SPOCK1: variants seen among roughly 807,000 people sequenced by gnomAD.
SPOCK1 encodes testican-1.
SPOCK1 carries 23 observed loss-of-function variants against 55.3 expected under a neutral mutation model. The ratio of observed to expected loss-of-function variants is 0.42; its 90% CI spans 0.30 to 0.59. The LOEUF (loss-of-function observed/expected upper bound fraction) is 0.59, where lower values mean the gene tolerates loss of function less well. Ranked by LOEUF, SPOCK1 falls within the 20% of genes least tolerant of loss-of-function variation. SPOCK1 has a pLI of 0.22. For missense variants in SPOCK1, 499 were observed against 552.5 expected (o/e 0.90, Z 0.97); for synonymous variants, 226 against 221.0 (o/e 1.02, Z -0.20).
intron 3 of SPOCK1, among the ~76,000 whole-genome samples, chr5:137,202,416 G>A (rs912638400): frequency 6.6e-6 from 1 of 152,194 alleles, no homozygotes; most frequent in African/African-American, 2.4e-5. Flanking sequence ...TGACAAACCA[G>A]AAAAGCCAGA....
chr5:137,284,567 C>T (rs1283657595), intron 2 of SPOCK1, among the ~76,000 whole-genome samples: 1 of 152,184 alleles, frequency 6.6e-6, no homozygotes, highest in African/African-American at 2.4e-5. Flanking sequence ...CTGGGCCTGG[C>T]TCTGCACTAG....
chr5:137,311,182 C>T (rs1481378135), intron 2 of SPOCK1, among the ~76,000 whole-genome samples: 2 of 152,166 alleles, frequency 1.3e-5, no homozygotes, highest in African/African-American at 4.8e-5. Flanking sequence ...CATCTCTTTT[C>T]CCCATTGGCT....
At chr5:137,498,136 G>A (rs1309326508) in intron 2 of SPOCK1, among the ~76,000 whole-genome samples, 1 of 152,072 alleles carries the variant, frequency 6.6e-6, no homozygotes, top group Admixed American at 6.5e-5. Context: ...ACACACACCT[G>A]GGCCACAGGT....
intron 8 of SPOCK1, 129 bp from the exon 9 acceptor site, chr5:136,985,331 C>CTATGCAAGAAAACAAATTCGGGCCA: frequency 1.1e-6 from 1 of 910,898 alleles, no homozygotes; most frequent in Non-Finnish European, 1.8e-6. Context: ...TATGCTGTTA[C>CTATGCAAGAAAACAAATTCGGGCCA]TATGCAAGAA....
chr5:137,479,201 C>T (rs1753898616), intron 2 of SPOCK1, among the ~76,000 whole-genome samples: 1 of 151,966 alleles, frequency 6.6e-6, no homozygotes, highest in Non-Finnish European at 1.5e-5. Context: ...GTTTATCTGT[C>T]CCGTGACTAA....
intron 2 of SPOCK1, among the ~76,000 whole-genome samples, chr5:137,306,787 T>G (rs1757708040): frequency 6.6e-6 from 1 of 152,200 alleles, no homozygotes; most frequent in Non-Finnish European, 1.5e-5. Context: ...ATTTATTTTC[T>G]CAGCCTAAAC....
At chr5:137,416,267 ATTC>A (rs2149823714) in intron 2 of SPOCK1, among the ~76,000 whole-genome samples, 1 of 151,966 alleles carries the variant, frequency 6.6e-6, no homozygotes, top group Non-Finnish European at 1.5e-5. Context: ...ACCTTACAGA[ATTC>A]ATCACCAGCA....
chr5:137,384,139 A>G (rs1206648649), intron 2 of SPOCK1, among the ~76,000 whole-genome samples: 2 of 152,218 alleles, frequency 1.3e-5, no homozygotes, highest in African/African-American at 4.8e-5. Context: ...GCATGGACAT[A>G]TGACCCAGCA....
chr5:137,494,349 C>A (rs1032727645), intron 2 of SPOCK1, among the ~76,000 whole-genome samples: 2 of 152,270 alleles, frequency 1.3e-5, no homozygotes, highest in African/African-American at 2.4e-5. Flanking sequence ...GCTTGCACCC[C>A]AAATCCACTC....
intron 4 of SPOCK1, 139 bp downstream of exon 4, chr5:137,140,441 G>T: frequency 1.7e-6 from 1 of 599,970 alleles, no homozygotes; most frequent in Non-Finnish European, 2.9e-6. Context: ...TCAGAGTACA[G>T]GCACCAAACA....
chr5:137,332,870 G>C (rs1416932563), intron 2 of SPOCK1, among the ~76,000 whole-genome samples: 1 of 152,214 alleles, frequency 6.6e-6, no homozygotes, highest in East Asian at 1.9e-4. Context: ...AGTGCAAAGT[G>C]AGTATCACAA....
rs114899944 is a variant in SPOCK1 at position 137,293,072 on chromosome 5, T to C, written c.187-26017A>G. On this transcript the variant is annotated intron_variant, in intron 2 of 10. Coordinates refer to ENST00000394945, the MANE Select transcript of SPOCK1 (RefSeq NM_004598.4). ...TGGCCACTGCTGTTTCATTCAATTC[T>C]GCAGTTGGTTTGTTGAATTTTTTTT... is the stretch of plus-strand genomic sequence containing the variant. Among the ~76,000 whole-genome samples, 626 of 150,916 alleles carry C rather than the reference T, an allele frequency of 4.1e-3. 3 individuals carry two copies. The highest frequency in any genetic ancestry group is 0.015 in the African/African-American group (604 of 41,080).
chr5:137,025,306 A>AT (rs917187448), intron 6 of SPOCK1, among the ~76,000 whole-genome samples: 8 of 151,994 alleles, frequency 5.3e-5, no homozygotes, highest in South Asian at 2.1e-4. Context: ...GCACAATGAA[A>AT]TTTTTTCAAA....
rs148131398 is a variant in SPOCK1 at position 137,316,274 on chromosome 5, C to T, written c.187-49219G>A. ...TGCCCTCAAATCATCTCTCAAAGGA[C>T]CCACCTCTGAATGCTATCAAATGAG... On this transcript the variant is annotated intron_variant, in intron 2 of 10. Transcript: ENST00000394945. Among the ~76,000 whole-genome samples, 170 of 152,344 alleles carry T rather than the reference C, an allele frequency of 1.1e-3. 4 individuals carry two copies. The Middle Eastern group carries it at 0.014, about 12-fold the overall frequency.
intron 2 of SPOCK1, among the ~76,000 whole-genome samples, chr5:137,394,253 G>A (rs951338385): frequency 3.3e-5 from 5 of 151,896 alleles, no homozygotes; most frequent in African/African-American, 7.3e-5. Flanking sequence ...TATCTCCACC[G>A]GTAGACTGTA....
intron 3 of SPOCK1, among the ~76,000 whole-genome samples, chr5:137,229,958 G>A (rs1348484514): frequency 6.6e-6 from 1 of 152,154 alleles, no homozygotes; most frequent in Non-Finnish European, 1.5e-5. Context: ...GCAGCCCATG[G>A]GTAGGGGACC....
intron 2 of SPOCK1, among the ~76,000 whole-genome samples, chr5:137,379,589 T>C (rs890347603): frequency 1.6e-5 from 2 of 125,272 alleles, no homozygotes; most frequent in Admixed American, 2.1e-4. Context: ...CAACATCCAT[T>C]GCTGACCAGA....
At chr5:137,067,508 C>G (rs556736388) in intron 6 of SPOCK1, among the ~76,000 whole-genome samples, 1 of 152,210 alleles carries the variant, frequency 6.6e-6, no homozygotes, top group South Asian at 2.1e-4. Context: ...CCTGGTCTAA[C>G]AGGATTATTT....
chr5:137,265,097 C>A (rs1430524587), intron 3 of SPOCK1, among the ~76,000 whole-genome samples: 1 of 152,142 alleles, frequency 6.6e-6, no homozygotes, highest in Non-Finnish European at 1.5e-5. Flanking sequence ...AGAGAAAAAT[C>A]CTCGTTTGAA....
Sources: allele counts gnomAD v4.1 joint callset (sites outside exome capture counted in the v4.1 genomes callset), GRCh38; gene constraint gnomAD v4.1.1; transcripts MANE v1.5; gene names NCBI Gene and HGNC (gene_info 2026-07-23, HGNC 2026-07-21).